CTDSPL2: variants seen among roughly 807,000 people sequenced by gnomAD.
CTDSPL2 encodes CTD small phosphatase like 2, also known as CTD small phosphatase-like protein 2.
CTDSPL2 carries 5 observed loss-of-function variants against 60.0 expected under a neutral mutation model. The ratio of observed to expected loss-of-function variants is 0.08; its 90% CI spans 0.04 to 0.18. The LOEUF (loss-of-function observed/expected upper bound fraction) is 0.18. Ranked by LOEUF, CTDSPL2 falls within the 10% of genes least tolerant of loss-of-function variation. The probability of loss-of-function intolerance (pLI) is 1.00; values close to 1 mark genes in which losing one functional copy is unlikely to be tolerated. For synonymous variants in CTDSPL2, 186 were observed against 189.3 expected (o/e 0.98, Z 0.14); for missense variants, 370 against 548.8 (o/e 0.67, Z 3.26).
chr15:44,528,314 C>CGA lies in CTDSPL2; in HGVS notation c.*4144_*4145dup, dbSNP rs1262991947. 2.7e-5 allele frequency: 4 copies of CGA among 150,294 alleles called. No homozygotes were observed. The highest frequency in any genetic ancestry group is 4.4e-5 in the Non-Finnish European group (3 of 67,780). 9.3% of individuals were successfully genotyped at this position (150,294 alleles called of 1,614,324 possible). ...CCTGGAAAATTGTCTCGCTGGATCT[C>CGA]GAGAGGGGCCTGAGAGTTCTGGCTT... is the stretch of plus-strand genomic sequence containing the variant. On this transcript the variant is annotated 3_prime_UTR_variant, in exon 13 of 13. Transcript: ENST00000260327.
At chr15:44,439,552 G>C (rs1028149459) in intron 1 of CTDSPL2, among the ~76,000 whole-genome samples, 5 of 151,224 alleles carry the variant, frequency 3.3e-5, no homozygotes, top group South Asian at 2.1e-4. Context: ...TTGGGGGGGG[G>C]GGAATATTTG....
Position 44,526,044 on chromosome 15 carries a change from T to C in CTDSPL2, c.*1870T>C, listed in dbSNP as rs2081866836. ...TTAATTTTATTTAAAGAAAGGTATT[T>C]TGCTTGCAGGAAAAAAATACTACAG... On this transcript the variant is annotated 3_prime_UTR_variant, in exon 13 of 13. Transcript: ENST00000260327. 1 of 152,344 alleles carries C rather than the reference T, an allele frequency of 6.6e-6. No individual in the cohort carries two copies. Among genetic ancestry groups the C allele is most frequent in the Admixed American group, 6.5e-5 (1 of 15,272 alleles). The allele number at this position is 152,344 out of a possible 1,614,324, so 9.4% of individuals were successfully genotyped here.
intron 2 of CTDSPL2, among the ~76,000 whole-genome samples, chr15:44,461,957 G>A (rs2080580283): frequency 6.6e-6 from 1 of 151,890 alleles, no homozygotes. Flanking sequence ...TCTTTTGACA[G>A]TGAATTGTTT....
chr15:44,462,460 A>G (rs980976301), intron 2 of CTDSPL2, among the ~76,000 whole-genome samples: 1 of 152,114 alleles, frequency 6.6e-6, no homozygotes, highest in African/African-American at 2.4e-5. Flanking sequence ...TCAGATCATC[A>G]GGCATCAGAT....
In CTDSPL2 at chr15:44,524,423, T is replaced by C. The variant is rs1420915612; in HGVS notation, c.*249T>C. The C allele has an allele frequency of 4.5e-6, 2 of 441,418 alleles. No individual in the cohort carries two copies. Among genetic ancestry groups the C allele is most frequent in the African/African-American group, 2.0e-5 (1 of 49,876 alleles). 27.3% of individuals were successfully genotyped at this position (441,418 alleles called of 1,614,324 possible). A position where few individuals can be genotyped will look rare whatever the true frequency, so the allele number is the denominator to read the frequency against. ...AGTGCAACTCCAGTGAAATTTTTTATGTACAGGACATCTGCAGTTTATAAA... is the reference window on the plus strand; with the variant it reads ...AGTGCAACTCCAGTGAAATTTTTTACGTACAGGACATCTGCAGTTTATAAA... On this transcript the variant is annotated 3_prime_UTR_variant, in exon 13 of 13. Transcript: ENST00000260327.
chr15:44,482,213 C>G (rs1407636653), intron 2 of CTDSPL2, among the ~76,000 whole-genome samples: 1 of 152,044 alleles, frequency 6.6e-6, no homozygotes, highest in Non-Finnish European at 1.5e-5. Flanking sequence ...GTGGTGCAAT[C>G]ATAGCTCCCT....
Position 44,461,995 on chromosome 15 carries a change from T to TTGAAACA in CTDSPL2, c.186+2795_186+2796insTGAAACA, listed in dbSNP as rs2080581269. 2.0e-5 allele frequency among the ~76,000 whole-genome samples: 3 copies of TTGAAACA among 152,264 alleles called. No homozygotes were observed. The South Asian group carries it at 6.2e-4, about 32-fold the overall frequency. ...TTCATTCCCATTGCCCAGGCTAGAG[T>TTGAAACA]GCAGTTGTGCAGTCACAGCTCACTG... On this transcript the variant is annotated intron_variant, in intron 2 of 12. Transcript: ENST00000260327.
At chr15:44,471,618 A>G (rs1031682893) in intron 2 of CTDSPL2, among the ~76,000 whole-genome samples, 2 of 152,202 alleles carry the variant, frequency 1.3e-5, no homozygotes, top group East Asian at 3.8e-4. Context: ...AGTTAAGTAT[A>G]GGCACAGCAC....
intron 8 of CTDSPL2, among the ~76,000 whole-genome samples, chr15:44,511,872 A>AG (rs2081572239): frequency 2.0e-5 from 3 of 149,386 alleles, no homozygotes; most frequent in African/African-American, 7.4e-5. Context: ...TCTCGCAAAA[A>AG]AAAAAAAAAA....
intron 2 of CTDSPL2, among the ~76,000 whole-genome samples, chr15:44,482,116 C>T (rs781251272): frequency 2.6e-5 from 4 of 152,148 alleles, no homozygotes; most frequent in Admixed American, 6.5e-5. Flanking sequence ...GCCTTACCTG[C>T]GTAGGGATGT....
At position 44,459,118 on chromosome 15, in the gene CTDSPL2, C is replaced by T; in HGVS notation, c.104C>T (p.Pro35Leu). The T allele has an allele frequency of 6.2e-7, 1 of 1,613,200 alleles. No homozygotes were observed. Among genetic ancestry groups the T allele is most frequent in the Non-Finnish European group, 8.5e-7 (1 of 1,179,544 alleles). ...RKYSEVDDSL[P>L]SGGEKPSKNE... ...TATTCAGAGGTTGATGATAGCCTGC[C>T]TTCAGGAGGAGAAAAACCATCGAAG... Residue 35 changes from proline (P) to leucine (L), a missense_variant, in exon 2 of 13, where the codon CCT (proline) becomes CTT (leucine). Around this residue, in one of 6 missense-constraint regions of CTDSPL2, gnomAD observed 287 missense variants for 296.1 expected, o/e 0.97. Transcript: ENST00000260327.
chr15:44,450,227 C>T (rs1330613825), intron 1 of CTDSPL2, among the ~76,000 whole-genome samples: 1 of 151,802 alleles, frequency 6.6e-6, no homozygotes, highest in Non-Finnish European at 1.5e-5. Context: ...CTTAGTTTTA[C>T]TGTTTTTTTA....
intron 2 of CTDSPL2, among the ~76,000 whole-genome samples, chr15:44,463,661 A>G (rs2080623014): frequency 6.6e-6 from 1 of 152,216 alleles, no homozygotes; most frequent in African/African-American, 2.4e-5. Flanking sequence ...TTAATTTGTC[A>G]CATATTAGTC....
chr15:44,488,624 C>T (rs1273231077), intron 4 of CTDSPL2, among the ~76,000 whole-genome samples: 2 of 151,998 alleles, frequency 1.3e-5, no homozygotes, highest in African/African-American at 4.8e-5. Context: ...ACCAGCCTGA[C>T]CAACATGGAG....
chr15:44,496,027 C>T lies in CTDSPL2; in HGVS notation c.692-353C>T, dbSNP rs190019457. 7.1e-4 allele frequency among the ~76,000 whole-genome samples: 108 copies of T among 152,182 alleles called. 1 individual carries two copies. The highest frequency in any genetic ancestry group is 4.2e-3 in the Admixed American group (64 of 15,292). ...CAAGGCATTTTATGAACTATTACCC[C>T]TATAAGAGCACCATGAAATTTTTTG... On this transcript the variant is annotated intron_variant, in intron 5 of 12. Coordinates refer to ENST00000260327, the MANE Select transcript of CTDSPL2 (RefSeq NM_016396.3).
intron 8 of CTDSPL2, among the ~76,000 whole-genome samples, chr15:44,512,621 A>G (rs1279104700): frequency 1.3e-5 from 2 of 152,248 alleles, no homozygotes; most frequent in Non-Finnish European, 2.9e-5. Context: ...TTTTCAATCA[A>G]GGCTACAAAC....
In CTDSPL2 at chr15:44,427,686, C is replaced by G. The variant is rs979012178; in HGVS notation, c.-111C>G. 1.3e-5 allele frequency: 5 copies of G among 399,306 alleles called. No homozygotes were observed. The highest frequency in any genetic ancestry group is 1.0e-4 in the African/African-American group (5 of 48,638). The allele number at this position is 399,306 out of a possible 1,614,324, so 24.7% of individuals were successfully genotyped here. ...GCTGAAGGAGCTGGTTCTGTTGCTGCTGCGGGGTAAGCGGGAAAGACACCA... is the reference window on the plus strand; with the variant it reads ...GCTGAAGGAGCTGGTTCTGTTGCTGGTGCGGGGTAAGCGGGAAAGACACCA... On this transcript the variant is annotated 5_prime_UTR_variant, in exon 1 of 13. Coordinates refer to ENST00000260327, the MANE Select transcript of CTDSPL2 (RefSeq NM_016396.3).
In CTDSPL2 at chr15:44,449,945, T is replaced by G. The variant is rs151114035; in HGVS notation, c.-24-9046T>G. Reference sequence around the variant, plus strand: ...GGTGGAGGTTGCAGTGAGCTGAGATTACGTTGCTGCACTCTTGCCTGGGTG... The same window carrying G: ...GGTGGAGGTTGCAGTGAGCTGAGATGACGTTGCTGCACTCTTGCCTGGGTG... On this transcript the variant is annotated intron_variant, in intron 1 of 12. Transcript: ENST00000260327. 4.0e-3 allele frequency among the ~76,000 whole-genome samples: 610 copies of G among 151,220 alleles called. 15 individuals carry two copies. Among genetic ancestry groups the G allele is most frequent in the East Asian group, 0.039 (198 of 5,120 alleles).
chr15:44,492,168 C>CA (rs1195660049), intron 5 of CTDSPL2, among the ~76,000 whole-genome samples: 11 of 151,908 alleles, frequency 7.2e-5, no homozygotes, highest in Admixed American at 6.6e-4. Context: ...TGCGCCCGGC[C>CA]AAAAAAAATT....
Sources: gnomAD v4.1 joint callset for allele counts (sites outside exome capture counted in the v4.1 genomes callset) on GRCh38, gnomAD v4.1.1 for gene constraint, gnomAD v4.1.1 regional missense constraint, MANE v1.5 for transcripts, NCBI Gene and HGNC (gene_info 2026-07-23, HGNC 2026-07-21) for gene names.